Variants in RASGRF2 observed in about 807,000 individuals in gnomAD.
RASGRF2 encodes the protein Ras protein specific guanine nucleotide releasing factor 2.
In RASGRF2, 76 loss-of-function variants were observed where a neutral mutation model predicts 151.0. The observed-to-expected ratio is 0.50, with a 90% CI of 0.42 to 0.61. The LOEUF is 0.61. RASGRF2 is among the 20% of genes least tolerant of loss of function. RASGRF2 has a pLI of 0.00. For missense variants in RASGRF2, 1,148 were observed against 1,564.6 expected (o/e 0.73, Z 4.49); for synonymous variants, 504 against 566.5 (o/e 0.89, Z 1.57).
At chr5:81,112,365 G>C (rs1248027010) in intron 13 of RASGRF2, among the ~76,000 whole-genome samples, 1 of 152,152 alleles carries the variant, frequency 6.6e-6, no homozygotes, top group Non-Finnish European at 1.5e-5. Flanking sequence ...ATGTGCATAG[G>C]TTATGTGGAA....
At chr5:81,008,311 C>T (rs867972082) in intron 1 of RASGRF2, among the ~76,000 whole-genome samples, 39 of 151,926 alleles carry the variant, frequency 2.6e-4, no homozygotes, top group African/African-American at 8.2e-4. Context: ...TCACCACGCC[C>T]GGCTAATTTT....
intron 17 of RASGRF2, among the ~76,000 whole-genome samples, chr5:81,165,444 A>G (rs559235695): frequency 1.3e-4 from 20 of 152,266 alleles, no homozygotes; most frequent in South Asian, 2.1e-4. Context: ...ATGTAACCCA[A>G]TGTTCCAGGC....
intron 17 of RASGRF2, among the ~76,000 whole-genome samples, chr5:81,143,277 A>G (rs764049967): frequency 2.0e-5 from 3 of 151,804 alleles, no homozygotes; most frequent in Non-Finnish European, 4.4e-5. Context: ...CCTCCCAAGT[A>G]GCTGGGATTA....
chr5:81,124,634 A>C (rs1419557209), intron 16 of RASGRF2, among the ~76,000 whole-genome samples: 1 of 152,218 alleles, frequency 6.6e-6, no homozygotes, highest in Non-Finnish European at 1.5e-5. Flanking sequence ...AGTTAAGAAA[A>C]TTGTAAAGCA....
At chr5:81,163,989 A>G (rs10074678) in intron 17 of RASGRF2, among the ~76,000 whole-genome samples, 30,851 of 152,146 alleles carry the variant, frequency 0.2, 4,397 homozygotes, top group African/African-American at 0.41. Flanking sequence ...TAAACACTAC[A>G]TAAATATTAG....
At chr5:81,151,130 A>G (rs1174097421) in intron 17 of RASGRF2, among the ~76,000 whole-genome samples, 6 of 152,218 alleles carry the variant, frequency 3.9e-5, no homozygotes, top group Non-Finnish European at 5.9e-5. Flanking sequence ...ACAATTAGCT[A>G]AGTATTAGGT....
At chr5:81,092,315 T>C (rs983942388) in intron 9 of RASGRF2, among the ~76,000 whole-genome samples, 12 of 56,606 alleles carry the variant, frequency 2.1e-4, no homozygotes, top group African/African-American at 5.2e-4. Flanking sequence ...ATAATATACA[T>C]GTATTGTACA....
intron 10 of RASGRF2, among the ~76,000 whole-genome samples, 161 bp downstream of exon 10, chr5:81,093,122 T>G (rs148527651): frequency 1.3e-5 from 2 of 152,338 alleles, no homozygotes; most frequent in African/African-American, 4.8e-5. Context: ...TGCCATTTAA[T>G]TCGTTGTCAT....
At chr5:81,176,070 T>G (rs191782593) in intron 17 of RASGRF2, among the ~76,000 whole-genome samples, 9 of 152,302 alleles carry the variant, frequency 5.9e-5, no homozygotes, top group Admixed American at 5.2e-4. Context: ...TGATCGTGCA[T>G]TCTTGCTATG....
intron 18 of RASGRF2, among the ~76,000 whole-genome samples, chr5:81,187,765 C>T (rs1755062865): frequency 6.6e-6 from 1 of 152,174 alleles, no homozygotes; most frequent in African/African-American, 2.4e-5. Flanking sequence ...CTCAAGGTCT[C>T]AGGGATCAGA....
chr5:81,141,307 C>T (rs936539520), intron 17 of RASGRF2, among the ~76,000 whole-genome samples: 1 of 152,156 alleles, frequency 6.6e-6, no homozygotes, highest in Non-Finnish European at 1.5e-5. Context: ...TTGATCTCTT[C>T]TCGGGCACTG....
intron 17 of RASGRF2, among the ~76,000 whole-genome samples, chr5:81,138,604 G>C (rs528974922): frequency 1.3e-5 from 2 of 151,992 alleles, no homozygotes; most frequent in African/African-American, 2.4e-5. Flanking sequence ...ATATGTGGCC[G>C]CCCTCCTAAG....
At chr5:81,147,987 G>A (rs749243130) in intron 17 of RASGRF2, among the ~76,000 whole-genome samples, 21 of 152,194 alleles carry the variant, frequency 1.4e-4, no homozygotes, top group Non-Finnish European at 2.8e-4. Flanking sequence ...CTCAGCAGAG[G>A]TTAGAGTCTC....
Position 81,226,381 on chromosome 5 carries a change from GGAAA to G in RASGRF2, c.*619_*622del, listed in dbSNP as rs981689926. On this transcript the variant is annotated 3_prime_UTR_variant, in exon 27 of 27. Transcript: ENST00000265080. ...TTTCCAGTCTTTAGGCAATGGGATA[GGAAA>G]GAAAGAATGAAACACAAATGGATTT... The G allele has an allele frequency of 6.6e-6, 1 of 152,234 alleles. No individual in the cohort carries two copies. Among genetic ancestry groups the G allele is most frequent in the African/African-American group, 2.4e-5 (1 of 41,438 alleles). 9.4% of individuals were successfully genotyped at this position (152,234 alleles called of 1,614,324 possible).
chr5:81,085,813 TATC>T lies in RASGRF2; in HGVS notation c.1178_1180del (p.Ile393del). On this transcript the variant is annotated inframe_deletion, in exon 8 of 27. Coordinates refer to ENST00000265080, the MANE Select transcript of RASGRF2 (RefSeq NM_006909.3). Reference sequence around the variant, plus strand: ...CTGTTTGCATCTAGATCCCCAGATATATCATCACACTCCATGAGCTCCTTGCTC... The same window carrying T: ...CTGTTTGCATCTAGATCCCCAGATATATCACACTCCATGAGCTCCTTGCTC... The T allele has an allele frequency of 6.2e-7, 1 of 1,614,122 alleles. No individual in the cohort carries two copies. Among genetic ancestry groups the T allele is most frequent in the Non-Finnish European group, 8.5e-7 (1 of 1,180,012 alleles).
intron 2 of RASGRF2, among the ~76,000 whole-genome samples, chr5:81,059,968 G>A (rs1751368071): frequency 6.6e-6 from 1 of 152,232 alleles, no homozygotes; most frequent in Non-Finnish European, 1.5e-5. Context: ...CCCACTTCTG[G>A]AGAGACCGCA....
At chr5:81,201,582 C>T in intron 19 of RASGRF2, 140 bp downstream of exon 19, 1 of 978,948 alleles carries the variant, frequency 1.0e-6, no homozygotes, top group Non-Finnish European at 1.5e-6. Context: ...GTATTATCTT[C>T]TCTTTCCTGG....
At chr5:81,101,096 A>G (rs1404125707) in intron 12 of RASGRF2, among the ~76,000 whole-genome samples, 1 of 152,230 alleles carries the variant, frequency 6.6e-6, no homozygotes, top group Non-Finnish European at 1.5e-5. Flanking sequence ...TAGACTATCT[A>G]TGATCTAGGA....
At chr5:81,156,806 G>C (rs534338759) in intron 17 of RASGRF2, among the ~76,000 whole-genome samples, 1 of 152,036 alleles carries the variant, frequency 6.6e-6, no homozygotes, top group Non-Finnish European at 1.5e-5. Flanking sequence ...TCAACATTGC[G>C]CTGGAGTATC....
Sources: allele counts gnomAD v4.1 joint callset (sites outside exome capture counted in the v4.1 genomes callset), GRCh38; gene constraint gnomAD v4.1.1; transcripts MANE v1.5; gene names NCBI Gene and HGNC (gene_info 2026-07-23, HGNC 2026-07-21).